The following GABBR1 variants were observed in gnomAD, a reference collection of about 807,000 sequenced individuals.
The protein encoded by GABBR1 is GABA-B receptor, R1 subunit.
A neutral mutation model predicts 117.7 loss-of-function variants in GABBR1; 35 were observed. That is an observed-to-expected ratio of 0.30 (90% CI 0.23 to 0.39). The LOEUF is 0.39. GABBR1 is among the 10% of genes least tolerant of loss of function. The probability of loss-of-function intolerance (pLI) is 1.00; values close to 1 mark genes in which losing one functional copy is unlikely to be tolerated. For synonymous variants in GABBR1, 442 were observed against 486.6 expected, an observed-to-expected ratio of 0.91 and a Z score of 1.21; for missense variants, 709 against 1,241.8, an observed-to-expected ratio of 0.57 and a Z score of 6.45.
In GABBR1 at chr6:29,603,184, G is replaced by A. The variant is rs1029202247; in HGVS notation, c.*359C>T. ...ACAGGAACAGAGCACAAAGGCAGAG[G>A]AGCTGCAGGGGTTGCCGTGGTAACT... is the stretch of plus-strand genomic sequence containing the variant. On this transcript the variant is annotated 3_prime_UTR_variant, in exon 23 of 23. Transcript: ENST00000377034. 2.0e-6 allele frequency: 1 copy of A among 494,454 alleles called. No individual in the cohort carries two copies. Among genetic ancestry groups the A allele is most frequent in the Non-Finnish European group, 4.0e-6 (1 of 251,234 alleles). The allele number at this position is 494,454 out of a possible 1,614,324, so 30.6% of individuals were successfully genotyped here.
Position 29,613,231 on chromosome 6 carries a change from GT to G in GABBR1, c.1566+11del, listed in dbSNP as rs1156386106. 3 of 1,611,746 alleles carry G rather than the reference GT, an allele frequency of 1.9e-6. No homozygotes were observed. The highest frequency in any genetic ancestry group is 4.5e-5 in the East Asian group (2 of 44,870). On this transcript the variant is annotated intron_variant, in intron 12 of 22. Transcript: ENST00000377034. The surrounding 1 kb of genome is among the most constrained non-coding windows in gnomAD (Gnocchi z 4.1). ...GGGAAGACAGGGGAGTATGAAGGAA[GT>G]TTTAACTCACAGAGACACCCTCAAA... is the stretch of plus-strand genomic sequence containing the variant.
chr6:29,627,807 G>A lies in GABBR1; in HGVS notation c.497-161C>T, dbSNP rs1764477549. 1.4e-6 allele frequency: 2 copies of A among 1,434,074 alleles called. No homozygotes were observed. Among genetic ancestry groups the A allele is most frequent in the South Asian group, 2.9e-5 (2 of 68,116 alleles). 88.8% of individuals were successfully genotyped at this position (1,434,074 alleles called of 1,614,324 possible). A position where few individuals can be genotyped will look rare whatever the true frequency, so the allele number is the denominator to read the frequency against. On this transcript the variant is annotated intron_variant, in intron 5 of 22. Transcript: ENST00000377034. The surrounding 1 kb of genome is among the most constrained non-coding windows in gnomAD (Gnocchi z 4.4). ...CGGGCCCCATGGCGTGGGGGGCAGG[G>A]GTAGCTGTTGGGGAGCGTTAGGAGC...
Position 29,606,222 on chromosome 6 carries a change from C to A in GABBR1, c.2311+169G>T. The A allele has an allele frequency of 1.6e-6, 1 of 633,328 alleles. No individual in the cohort carries two copies. Among genetic ancestry groups the A allele is most frequent in the East Asian group, 2.6e-5 (1 of 38,626 alleles). 39.2% of individuals were successfully genotyped at this position (633,328 alleles called of 1,614,324 possible). Reference sequence around the variant, plus strand: ...TCCTCATAGCAAAAGAGCAACTCTCCCCTATTCTCAGAAAAGATTAGTGCA... The same window carrying A: ...TCCTCATAGCAAAAGAGCAACTCTCACCTATTCTCAGAAAAGATTAGTGCA... On this transcript the variant is annotated intron_variant, in intron 19 of 22. Coordinates refer to ENST00000377034, the MANE Select transcript of GABBR1 (RefSeq NM_001470.4). This position sits in a 1 kb window ranked among gnomAD's most constrained non-coding sequence, Gnocchi z 4.5.
Position 29,632,634 on chromosome 6 carries a change from A to AC in GABBR1, c.-1+215dup. 2 of 1,388,686 alleles carry AC rather than the reference A, an allele frequency of 1.4e-6. No individual in the cohort carries two copies. Among genetic ancestry groups the AC allele is most frequent in the Non-Finnish European group, 1.9e-6 (2 of 1,048,276 alleles). The allele number at this position is 1,388,686 out of a possible 1,614,324, so 86.0% of individuals were successfully genotyped here. On this transcript the variant is annotated intron_variant, in intron 1 of 22. Transcript: ENST00000377034. The surrounding 1 kb of genome is among the most constrained non-coding windows in gnomAD (Gnocchi z 5.8). ...CAACCCTCCCGGGACTCCACCTCTC[A>AC]CCACCTCCTCTCCCCCGGCCCCCGC... is the stretch of plus-strand genomic sequence containing the variant.
In GABBR1 at chr6:29,607,480, A is replaced by G. The variant is rs954243065; in HGVS notation, c.1993-262T>C. Among the ~76,000 whole-genome samples the G allele has an allele frequency of 1.3e-5, 2 of 152,128 alleles. No homozygotes were observed. Among genetic ancestry groups the G allele is most frequent in the Non-Finnish European group, 2.9e-5 (2 of 68,016 alleles). On this transcript the variant is annotated intron_variant, in intron 16 of 22. Transcript: ENST00000377034. This position sits in a 1 kb window ranked among gnomAD's most constrained non-coding sequence, Gnocchi z 5.0. Reference sequence around the variant, plus strand: ...CTAAAACCTCCTGGCTTTAGTGGCCAAAAACCTCCAACCACTCCCCAATAT... The same window carrying G: ...CTAAAACCTCCTGGCTTTAGTGGCCGAAAACCTCCAACCACTCCCCAATAT...
rs1583003235 is a variant in GABBR1 at position 29,623,220 on chromosome 6, C to T, written c.963+85G>A. 8.3e-6 allele frequency: 10 copies of T among 1,209,866 alleles called. No homozygotes were observed. The highest frequency in any genetic ancestry group is 1.2e-5 in the Non-Finnish European group (10 of 851,682). 74.9% of individuals were successfully genotyped at this position (1,209,866 alleles called of 1,614,324 possible). A position where few individuals can be genotyped will look rare whatever the true frequency, so the allele number is the denominator to read the frequency against. On this transcript the variant is annotated intron_variant, in intron 8 of 22. Coordinates refer to ENST00000377034, the MANE Select transcript of GABBR1 (RefSeq NM_001470.4). This position sits in a 1 kb window ranked among gnomAD's most constrained non-coding sequence, Gnocchi z 6.2. ...CTTTCAATGAAGAATCAAGTTCTTG[C>T]CCCTAAAAGTGACTCTCACGTCACA...
Position 29,622,183 on chromosome 6 carries a change from C to T in GABBR1, c.986G>A (p.Arg329Gln), listed in dbSNP as rs1412349644. The change falls in exon 9 of 23, where the codon CGA (arginine) becomes CAA (glutamine). Residue 329 changes from arginine (R) to glutamine (Q), a missense_variant. By Grantham distance (43) the Arg-to-Gln change is conservative. Coordinates refer to ENST00000377034, the MANE Select transcript of GABBR1 (RefSeq NM_001470.4). The surrounding 1 kb of genome is among the most constrained non-coding windows in gnomAD (Gnocchi z 4.6). ...FTSTLDDLEE[R>Q]VKEAGIEITF... Reference sequence around the variant, plus strand: ...AATCTCAATTCCAGCCTCCTTCACTCGTTCCTCCAGGTCGTCCAGAGTCTT... The same window carrying T: ...AATCTCAATTCCAGCCTCCTTCACTTGTTCCTCCAGGTCGTCCAGAGTCTT... 5 of 1,613,980 alleles carry T rather than the reference C, an allele frequency of 3.1e-6. No homozygotes were observed. The highest frequency in any genetic ancestry group is 4.5e-5 in the East Asian group (2 of 44,894).
Position 29,605,757 on chromosome 6 carries a change from C to T in GABBR1, c.2312-61G>A. ...GACCACAATGCTCCTCACTCAATCC[C>T]CATCCCCTCTCTGCCCTTCACCTAC... On this transcript the variant is annotated intron_variant, in intron 19 of 22. Transcript: ENST00000377034. This position sits in a 1 kb window ranked among gnomAD's most constrained non-coding sequence, Gnocchi z 4.2. The T allele has an allele frequency of 6.3e-7, 1 of 1,585,200 alleles. No homozygotes were observed. The highest frequency in any genetic ancestry group is 8.6e-7 in the Non-Finnish European group (1 of 1,168,964).
rs1012863978 is a variant in GABBR1 at position 29,607,352 on chromosome 6, G to A, written c.1993-134C>T. 1.1e-5 allele frequency: 8 copies of A among 700,300 alleles called. No homozygotes were observed. The highest frequency in any genetic ancestry group is 6.7e-5 in the Admixed American group (3 of 45,014). The allele number at this position is 700,300 out of a possible 1,614,324, so 43.4% of individuals were successfully genotyped here. ...GCTCATGGTGGCACAGGGAGGATGC[G>A]AAAATGTGAGCAGGACGGGGAGCGG... On this transcript the variant is annotated intron_variant, in intron 16 of 22. Transcript: ENST00000377034. This position sits in a 1 kb window ranked among gnomAD's most constrained non-coding sequence, Gnocchi z 5.0.
Position 29,606,493 on chromosome 6 carries a change from G to T in GABBR1, c.2218-9C>A. On this transcript the variant is annotated splice_polypyrimidine_tract_variant and intron_variant, in intron 18 of 22. Transcript: ENST00000377034. The surrounding 1 kb of genome is among the most constrained non-coding windows in gnomAD (Gnocchi z 4.5). ...TCCTCCTTGGCAAATGTCTAGGGCA[G>T]AAACAAGGTCACAAGAAAGATGGTT... 1 of 1,590,230 alleles carries T rather than the reference G, an allele frequency of 6.3e-7. No homozygotes were observed. Among genetic ancestry groups the T allele is most frequent in the Non-Finnish European group, 8.6e-7 (1 of 1,159,030 alleles).
rs2127456409 is a variant in GABBR1 at position 29,632,331 on chromosome 6, C to G, written c.55G>C (p.Gly19Arg). The part of the protein sequence containing the change: ...PLFLRPPGAG[G>R]AQTPNATSEG... ...GAGGTGGCGTTGGGGGTCTGCGCCC[C>G]GCCCGCGCCCGGGGGGCGGAGGAAG... The change falls in exon 2 of 23, where the codon GGG becomes CGG. Residue 19 changes from glycine to arginine, a missense_variant. By Grantham distance (125) the Gly-to-Arg change is moderately radical (BLOSUM62 -2). This residue lies in a region of GABBR1 where 43 missense variants were observed against 42.8 expected (regional missense o/e 1.00). Coordinates refer to ENST00000377034, the MANE Select transcript of GABBR1 (RefSeq NM_001470.4). The surrounding 1 kb of genome is among the most constrained non-coding windows in gnomAD (Gnocchi z 5.8). 1 of 1,369,368 alleles carries G rather than the reference C, an allele frequency of 7.3e-7. No homozygotes were observed. The highest frequency in any genetic ancestry group is 9.5e-7 in the Non-Finnish European group (1 of 1,057,872). 84.8% of individuals were successfully genotyped at this position (1,369,368 alleles called of 1,614,324 possible).
chr6:29,632,578 TCCCCA>T lies in GABBR1; in HGVS notation c.1-198_1-194del. On this transcript the variant is annotated intron_variant, in intron 1 of 22. Coordinates refer to ENST00000377034, the MANE Select transcript of GABBR1 (RefSeq NM_001470.4). This position sits in a 1 kb window ranked among gnomAD's most constrained non-coding sequence, Gnocchi z 5.8. The stretch of plus-strand genomic sequence containing the variant: ...GGGGGAGAGGAGGAGAGAAAGCCTG[TCCCCA>T]CCCTCCTCCTGCCTCCCTCGGCCCC... The T allele has an allele frequency of 1.0e-6, 1 of 990,242 alleles. No individual in the cohort carries two copies. The highest frequency in any genetic ancestry group is 1.4e-6 in the Non-Finnish European group (1 of 708,506). 61.3% of individuals were successfully genotyped at this position (990,242 alleles called of 1,614,324 possible). A position where few individuals can be genotyped will look rare whatever the true frequency, so the allele number is the denominator to read the frequency against.
intron 12 of GABBR1, 26 bp from the exon 13 acceptor site, chr6:29,612,640 G>A: frequency 6.2e-7 from 1 of 1,606,518 alleles, no homozygotes; most frequent in Middle Eastern, 1.7e-4. Context: ...TGTGGAGCAA[G>A]GCAAAGGAGA....
Position 29,632,762 on chromosome 6 carries a change from CA to C in GABBR1, c.-1+87del. 9.0e-7 allele frequency: 1 copy of C among 1,111,750 alleles called. No individual in the cohort carries two copies. Among genetic ancestry groups the C allele is most frequent in the South Asian group, 1.6e-5 (1 of 63,808 alleles). The allele number at this position is 1,111,750 out of a possible 1,614,324, so 68.9% of individuals were successfully genotyped here. The stretch of plus-strand genomic sequence containing the variant: ...TCCTCTCCCCCAGCCCCGCTTCCCC[CA>C]GCTGGGCCCTGCGCCCACTGCCCCC... On this transcript the variant is annotated intron_variant, in intron 1 of 22. Transcript: ENST00000377034. The surrounding 1 kb of genome is among the most constrained non-coding windows in gnomAD (Gnocchi z 5.8).
Position 29,606,091 on chromosome 6 carries a change from G to A in GABBR1, c.2311+300C>T. On this transcript the variant is annotated intron_variant, in intron 19 of 22. Coordinates refer to ENST00000377034, the MANE Select transcript of GABBR1 (RefSeq NM_001470.4). This position sits in a 1 kb window ranked among gnomAD's most constrained non-coding sequence, Gnocchi z 4.5. ...ATCGAACAATGCTAATAAGGCCAAG[G>A]GGGATCTAAAAGATAATGTCAAGTC... 3.6e-6 allele frequency: 2 copies of A among 549,098 alleles called. No homozygotes were observed. Among genetic ancestry groups the A allele is most frequent in the Non-Finnish European group, 6.5e-6 (2 of 308,652 alleles). 34.0% of individuals were successfully genotyped at this position (549,098 alleles called of 1,614,324 possible).
Position 29,627,261 on chromosome 6 carries a change from C to A in GABBR1, c.657+225G>T, listed in dbSNP as rs1186177997. Among the ~76,000 whole-genome samples, 1 of 152,192 alleles carries A rather than the reference C, an allele frequency of 6.6e-6. No individual in the cohort carries two copies. Among genetic ancestry groups the A allele is most frequent in the Non-Finnish European group, 1.5e-5 (1 of 68,024 alleles). On this transcript the variant is annotated intron_variant, in intron 6 of 22. Transcript: ENST00000377034. This position sits in a 1 kb window ranked among gnomAD's most constrained non-coding sequence, Gnocchi z 4.4. ...CAGCGGGGCAGAAGGGTCTGCCTTG[C>A]AGCATGCTTAACCATCTTGAGCCCC...
In GABBR1 at chr6:29,631,590, A is replaced by T. The variant is rs762164040; in HGVS notation, c.95T>A (p.Ile32Asn). 5 of 1,614,036 alleles carry T rather than the reference A, an allele frequency of 3.1e-6. No homozygotes were observed. In the South Asian group the frequency reaches 5.5e-5, roughly 18 times the overall value. Residue 32 changes from isoleucine (I) to asparagine (N), a missense_variant, in exon 3 of 23, where the codon ATC becomes AAC. Ile to Asn is a moderately radical substitution (Grantham distance 149). This residue lies in a region of GABBR1 where 43 missense variants were observed against 42.8 expected (regional missense o/e 1.00). Transcript: ENST00000377034. This position sits in a 1 kb window ranked among gnomAD's most constrained non-coding sequence, Gnocchi z 5.9. ...TPNATSEGCQ[I>N]IHPPWEGGIR... is the part of the protein sequence containing the mutation. ...GCCCCCTTCCCAGGGCGGGTGTATG[A>T]TCTGGCAACCTAAGGGGTGAGTCGG...
chr6:29,621,260 G>A lies in GABBR1; in HGVS notation c.1164C>T (p.Tyr388=), dbSNP rs755037284. ...CATACCACCCAATGAGGAACCAGAC[G>A]TACTTCTTCCCAAAGAGACGCTCCT... The part of the protein sequence containing the change: ...VYKERLFGKK[Y]VWFLIGWYAD... The change falls in exon 11 of 23, where the codon TAC becomes TAT. Residue 388 remains tyrosine (Y), a synonymous_variant. Transcript: ENST00000377034. This position sits in a 1 kb window ranked among gnomAD's most constrained non-coding sequence, Gnocchi z 5.0. 2.6e-5 allele frequency: 42 copies of A among 1,612,912 alleles called. No individual in the cohort carries two copies. The highest frequency in any genetic ancestry group is 5.5e-5 in the South Asian group (5 of 91,082).
intron 11 of GABBR1, among the ~76,000 whole-genome samples, chr6:29,618,731 T>C (rs1459861095): frequency 6.6e-6 from 1 of 152,210 alleles, no homozygotes; most frequent in Non-Finnish European, 1.5e-5. Flanking sequence ...CATTTCCACA[T>C]ATTGCCCCTA....
Sources: gnomAD v4.1 joint callset for allele counts (sites outside exome capture counted in the v4.1 genomes callset) on GRCh38, gnomAD v4.1.1 for gene constraint, gnomAD v4.1.1 regional missense constraint, Gnocchi (gnomAD v3.1) non-coding constraint, MANE v1.5 for transcripts, NCBI Gene and HGNC (gene_info 2026-07-23, HGNC 2026-07-21) for gene names.